The following TMEM178B variants were observed in gnomAD, a reference collection of about 807,000 sequenced individuals.
TMEM178B encodes the protein transmembrane protein 178B.
A neutral mutation model predicts 31.0 loss-of-function variants in TMEM178B; 5 were observed. The observed-to-expected ratio is 0.16, with a 90% CI of 0.08 to 0.34. The LOEUF (loss-of-function observed/expected upper bound fraction) is 0.34, where lower values mean the gene tolerates loss of function less well. Among genes scored for constraint, TMEM178B ranks in the 10% least tolerant of loss-of-function variants. The pLI, the probability that TMEM178B is intolerant of heterozygous loss-of-function variation, is 1.00. For synonymous variants in TMEM178B, 164 were observed against 164.0 expected (o/e 1.00, Z 0.00); for missense variants, 275 against 400.3 (o/e 0.69, Z 2.67).
the TMEM178B span, among the ~76,000 whole-genome samples, chr7:141,492,007 C>T: frequency 0.11 from 16,917 of 152,150 alleles, 2,906 homozygotes; most frequent in African/African-American, 0.37. Context: ...CTGAAAACCA[C>T]TCAATGGCCT....
intron 1 of TMEM178B, among the ~76,000 whole-genome samples, chr7:141,127,963 C>T (rs1030732203): frequency 9.2e-5 from 14 of 152,108 alleles, no homozygotes; most frequent in South Asian, 2.1e-4. Context: ...GCAGGCCCAA[C>T]GCGAACCACA....
chr7:141,203,186 C>G (rs115767236), intron 1 of TMEM178B, among the ~76,000 whole-genome samples: 1 of 152,168 alleles, frequency 6.6e-6, no homozygotes, highest in Non-Finnish European at 1.5e-5. Flanking sequence ...AAAGAGGAGA[C>G]GAAGCCTGAG....
chr7:141,361,673 G>A (rs1253549404), intron 2 of TMEM178B, among the ~76,000 whole-genome samples: 1 of 152,194 alleles, frequency 6.6e-6, no homozygotes, highest in African/African-American at 2.4e-5. Flanking sequence ...AGCCTCATGT[G>A]TTCTCTCTAG....
intron 2 of TMEM178B, among the ~76,000 whole-genome samples, chr7:141,265,928 A>T (rs369681165): frequency 2.0e-5 from 3 of 152,306 alleles, no homozygotes; most frequent in Non-Finnish European, 4.4e-5. Context: ...AAGGCTCTTT[A>T]CTAGTTGGGC....
chr7:141,465,912 A>G (rs777174169), intron 3 of TMEM178B, among the ~76,000 whole-genome samples: 2 of 152,142 alleles, frequency 1.3e-5, no homozygotes, highest in Non-Finnish European at 2.9e-5. Context: ...AGTCCCAGCT[A>G]CTAGGGAGGC....
At chr7:141,467,632 T>C (rs537172726) in intron 3 of TMEM178B, among the ~76,000 whole-genome samples, 3 of 152,234 alleles carry the variant, frequency 2.0e-5, no homozygotes, top group East Asian at 3.9e-4. Context: ...GAAATGCAGA[T>C]TGAAGTCACC....
chr7:141,129,683 G>C (rs1267917156), intron 1 of TMEM178B, among the ~76,000 whole-genome samples: 1 of 152,188 alleles, frequency 6.6e-6, no homozygotes, highest in East Asian at 1.9e-4. Context: ...AAATGTGAGT[G>C]ACCATGGCCC....
chr7:141,339,868 C>A (rs1438197504), intron 2 of TMEM178B, among the ~76,000 whole-genome samples: 2 of 152,196 alleles, frequency 1.3e-5, no homozygotes, highest in African/African-American at 4.8e-5. Context: ...GGCCAAAGAG[C>A]AGGATATTTG....
At chr7:141,315,388 G>C (rs1375906571) in intron 2 of TMEM178B, among the ~76,000 whole-genome samples, 1 of 152,152 alleles carries the variant, frequency 6.6e-6, no homozygotes, top group African/African-American at 2.4e-5. Flanking sequence ...CAGTCAAGTT[G>C]AGTGACACTG....
chr7:141,195,574 A>C (rs558292898), intron 1 of TMEM178B, among the ~76,000 whole-genome samples: 9 of 152,308 alleles, frequency 5.9e-5, no homozygotes, highest in Non-Finnish European at 5.9e-5. Flanking sequence ...AGAAAGTTCT[A>C]AACTTTCCCA....
chr7:141,341,722 G>A (rs1341055732), intron 2 of TMEM178B, among the ~76,000 whole-genome samples: 1 of 151,872 alleles, frequency 6.6e-6, no homozygotes, highest in Admixed American at 6.6e-5. Context: ...GAAGAAATGG[G>A]ACTGAATTTC....
chr7:141,416,147 G>A (rs1801091896), intron 2 of TMEM178B: 1 of 152,946 alleles, frequency 6.5e-6, no homozygotes, highest in African/African-American at 2.4e-5. Flanking sequence ...CTTCTGAGCA[G>A]GCAGGACAGT....
chr7:141,505,986 C>T, the TMEM178B span, among the ~76,000 whole-genome samples: 1 of 152,230 alleles, frequency 6.6e-6, no homozygotes, highest in Non-Finnish European at 1.5e-5. Context: ...TTCAGTTCAT[C>T]CCACCAGACA....
intron 2 of TMEM178B, among the ~76,000 whole-genome samples, chr7:141,253,759 C>T (rs1430509377): frequency 1.3e-5 from 2 of 151,700 alleles, no homozygotes; most frequent in African/African-American, 4.8e-5. Flanking sequence ...ACCATGTTGG[C>T]CAGGCTGGTC....
chr7:141,140,412 A>G (rs1431840605), intron 1 of TMEM178B, among the ~76,000 whole-genome samples: 1 of 152,198 alleles, frequency 6.6e-6, no homozygotes, highest in Non-Finnish European at 1.5e-5. Flanking sequence ...ATTTTTTAGA[A>G]CAGTTTTGTA....
intron 2 of TMEM178B, among the ~76,000 whole-genome samples, chr7:141,336,188 A>C (rs570263704): frequency 6.6e-6 from 1 of 152,134 alleles, no homozygotes; most frequent in Admixed American, 6.5e-5. Context: ...GCTCTTCCTC[A>C]TCCTGACTCT....
At chr7:141,400,768 G>T (rs1001168136) in intron 2 of TMEM178B, among the ~76,000 whole-genome samples, 1 of 152,236 alleles carries the variant, frequency 6.6e-6, no homozygotes, top group Admixed American at 6.5e-5. Context: ...GGGCCTTGAG[G>T]TGTGAGTAGT....
At chr7:141,297,404 C>T (rs536750252) in intron 2 of TMEM178B, among the ~76,000 whole-genome samples, 37 of 152,214 alleles carry the variant, frequency 2.4e-4, no homozygotes, top group Admixed American at 1.3e-4. Context: ...GTGTGCACAA[C>T]GTGCAGGTCT....
At chr7:141,099,586 T>A (rs978580025) in intron 1 of TMEM178B, among the ~76,000 whole-genome samples, 1 of 152,216 alleles carries the variant, frequency 6.6e-6, no homozygotes, top group Non-Finnish European at 1.5e-5. Flanking sequence ...CACTCAGTAA[T>A]GTTCTAATCT....
Sources: gnomAD v4.1 joint callset for allele counts (sites outside exome capture counted in the v4.1 genomes callset) on GRCh38, gnomAD v4.1.1 for gene constraint, MANE v1.5 for transcripts, NCBI Gene and HGNC (gene_info 2026-07-23, HGNC 2026-07-21) for gene names.